Variants in ACSM2A observed in about 807,000 individuals in gnomAD.
ACSM2A encodes the protein acyl-CoA synthetase medium chain family member 2A.
Under a neutral mutation model 76.6 loss-of-function variants are expected in ACSM2A, and 72 were observed. The ratio of observed to expected loss-of-function variants is 0.94; its 90% confidence interval spans 0.78 to 1.14. The LOEUF is 1.14. Ranked by LOEUF, ACSM2A falls within the 50% of genes most tolerant of loss-of-function variation. The pLI, the probability that ACSM2A is intolerant of heterozygous loss-of-function variation, is 0.00. For synonymous variants in ACSM2A, 249 were observed against 255.9 expected, an observed-to-expected ratio of 0.97 and a Z score of 0.26; for missense variants, 684 against 708.5, an observed-to-expected ratio of 0.97 and a Z score of 0.39.
intron 6 of ACSM2A, among the ~76,000 whole-genome samples, chr16:20,472,234 G>A (rs532409948): frequency 1.3e-4 from 20 of 152,220 alleles, no homozygotes; most frequent in Admixed American, 4.6e-4. Flanking sequence ...TAGTCTAGGT[G>A]GCTTAAATAA....
chr16:20,483,079 C>T lies in ACSM2A; in HGVS notation c.1531C>T (p.Leu511=). 6.2e-7 allele frequency: 1 copy of T among 1,613,990 alleles called. No individual in the cohort carries two copies. The highest frequency in any genetic ancestry group is 8.5e-7 in the Non-Finnish European group (1 of 1,179,926). ...RGEVVKAFVV[L]ASQFLSHDPE... is the part of the protein sequence containing the mutation. ...GCAGGTGGTGAAGGCATTTGTGGTC[C>T]TGGCCTCGCAGTTCCTGTCCCATGA... Residue 511 remains leucine (L), a synonymous_variant, in exon 13 of 14, where the codon CTG becomes TTG. Transcript: ENST00000573854.
At chr16:20,461,635 C>T (rs2012627883) in intron 2 of ACSM2A, among the ~76,000 whole-genome samples, 1 of 151,932 alleles carries the variant, frequency 6.6e-6, no homozygotes, top group African/African-American at 2.4e-5. Flanking sequence ...ATTATAAAAC[C>T]AGGCAAAGTA....
intron 2 of ACSM2A, among the ~76,000 whole-genome samples, chr16:20,463,076 T>C (rs2012730210): frequency 1.9e-5 from 2 of 103,820 alleles, no homozygotes; most frequent in Admixed American, 2.7e-4. Context: ...ACACTGGGCC[T>C]GTTATGGGGT....
chr16:20,474,621 A>G (rs2013617674), intron 6 of ACSM2A, among the ~76,000 whole-genome samples: 1 of 152,238 alleles, frequency 6.6e-6, no homozygotes, highest in Non-Finnish European at 1.5e-5. Context: ...TACATTCTGC[A>G]TAAAGAAAAG....
chr16:20,475,490 A>C (rs748060608), intron 7 of ACSM2A, 49 bp downstream of exon 7: 4 of 1,610,372 alleles, frequency 2.5e-6, no homozygotes, highest in Non-Finnish European at 3.4e-6. Flanking sequence ...CATCCCCCTG[A>C]CTCCCTCACA....
chr16:20,464,687 AC>A (rs1350681708), intron 2 of ACSM2A, among the ~76,000 whole-genome samples: 1 of 152,154 alleles, frequency 6.6e-6, no homozygotes, highest in Non-Finnish European at 1.5e-5. Context: ...TCAACATGAG[AC>A]TTGGAGAGGA....
chr16:20,468,668 A>T (rs541545005), intron 3 of ACSM2A, among the ~76,000 whole-genome samples: 29 of 152,324 alleles, frequency 1.9e-4, no homozygotes, highest in Non-Finnish European at 3.2e-4. Context: ...CCCTAAGTCT[A>T]GTTATTCTAC....
intron 2 of ACSM2A, among the ~76,000 whole-genome samples, chr16:20,464,613 G>T (rs1376827511): frequency 6.6e-6 from 1 of 151,992 alleles, no homozygotes; most frequent in Non-Finnish European, 1.5e-5. Flanking sequence ...CATTCATGAG[G>T]GTCCCACCCC....
At chr16:20,462,655 C>G (rs189804196) in intron 2 of ACSM2A, among the ~76,000 whole-genome samples, 18 of 152,208 alleles carry the variant, frequency 1.2e-4, no homozygotes, top group Admixed American at 3.3e-4. Flanking sequence ...ACATGAGACT[C>G]TTTCAGGGGA....
At chr16:20,462,082 T>A (rs2012657239) in intron 2 of ACSM2A, among the ~76,000 whole-genome samples, 1 of 152,168 alleles carries the variant, frequency 6.6e-6, no homozygotes, top group African/African-American at 2.4e-5. Context: ...GTCAGTAACT[T>A]TTCCAGAATG....
rs185396407 is a variant in ACSM2A, at chr16:20,469,656, G to T, written c.533G>T (p.Arg178Ile). The change falls in exon 4 of 14, where the codon AGA becomes ATA. Residue 178 changes from arginine to isoleucine, a missense_variant. By Grantham distance (97) the Arg-to-Ile change is moderately conservative (BLOSUM62 -3). Transcript: ENST00000573854. ...GTGGCATCTGAATGTCCTTCTCTGA[G>T]AATTAAGCTACTGGTGTCTGAGAAA... ...DTVASECPSL[R>I]IKLLVSEKSC... 1.3e-5 allele frequency: 21 copies of T among 1,613,892 alleles called. No homozygotes were observed. The African/African-American group carries it at 1.7e-4, about 13-fold the overall frequency.
In ACSM2A at chr16:20,472,050, AGTGT is replaced by A. The variant is rs149873044; in HGVS notation, c.894+372_894+375del. ...GAGGGGATGCCATCTCGCTCTCATG[AGTGT>A]GTGTGTGTGTTTGTGAGTGCACATT... On this transcript the variant is annotated intron_variant, in intron 6 of 13. Transcript: ENST00000573854. Among the ~76,000 whole-genome samples, 9 of 151,852 alleles carry A rather than the reference AGTGT, an allele frequency of 5.9e-5. No homozygotes were observed. In the South Asian group the frequency reaches 1.5e-3, roughly 25 times the overall value.
intron 10 of ACSM2A, among the ~76,000 whole-genome samples, chr16:20,480,256 A>G (rs944943256): frequency 6.6e-6 from 1 of 152,230 alleles, no homozygotes; most frequent in Non-Finnish European, 1.5e-5. Context: ...AGAGATTAGG[A>G]TATCTATGAA....
chr16:20,482,837 A>T (rs1302936640), intron 12 of ACSM2A: 4 of 528,234 alleles, frequency 7.6e-6, no homozygotes, highest in Non-Finnish European at 1.3e-5. Context: ...AGGTGAGCCT[A>T]GTCTCAATCT....
chr16:20,483,624 C>T (rs1025781824), intron 13 of ACSM2A, among the ~76,000 whole-genome samples: 7 of 105,318 alleles, frequency 6.6e-5, no homozygotes, highest in African/African-American at 1.9e-4. Flanking sequence ...ATCAAGAAAG[C>T]CCAGAAAGAC....
At chr16:20,462,288 C>G (rs2012668962) in intron 2 of ACSM2A, among the ~76,000 whole-genome samples, 1 of 151,986 alleles carries the variant, frequency 6.6e-6, no homozygotes, top group African/African-American at 2.4e-5. Flanking sequence ...CTACCATCTA[C>G]CATAATTCTA....
chr16:20,469,436 T>C, intron 3 of ACSM2A, 76 bp from the exon 4 acceptor site: 1 of 1,595,810 alleles, frequency 6.3e-7, no homozygotes. Context: ...TGCTCGCTGC[T>C]TGATGTTTAT....
At chr16:20,470,155 T>A (rs2013295639) in intron 4 of ACSM2A, among the ~76,000 whole-genome samples, 1 of 152,124 alleles carries the variant, frequency 6.6e-6, no homozygotes, top group Non-Finnish European at 1.5e-5. Context: ...TCACTTGTGA[T>A]GCACACTGGA....
In ACSM2A at chr16:20,467,606, A is replaced by G. The variant is rs2013089461; in HGVS notation, c.388+1879A>G. Among the ~76,000 whole-genome samples the G allele has an allele frequency of 2.0e-5, 3 of 152,206 alleles. No homozygotes were observed. The South Asian group carries it at 6.2e-4, about 32-fold the overall frequency. ...GTTATTCAAAGGAGATGCGAGGGAG[A>G]GAGAGAGAAGTACAGACATTTCAGC... On this transcript the variant is annotated intron_variant, in intron 3 of 13. Transcript: ENST00000573854.
Sources: allele counts gnomAD v4.1 joint callset (sites outside exome capture counted in the v4.1 genomes callset), GRCh38; gene constraint gnomAD v4.1.1; transcripts MANE v1.5; gene names NCBI Gene and HGNC (gene_info 2026-07-23, HGNC 2026-07-21).